CSMD1: variants seen among roughly 807,000 people sequenced by gnomAD.
CSMD1 encodes CUB and sushi domain-containing protein 1.
A neutral mutation model predicts 417.5 loss-of-function variants in CSMD1; 213 were observed. The ratio of observed to expected loss-of-function variants is 0.51; its 90% confidence interval spans 0.46 to 0.57. CSMD1 has a LOEUF of 0.57. Ranked by LOEUF, CSMD1 falls within the 20% of genes least tolerant of loss-of-function variation. The pLI is 0.00. For missense variants in CSMD1, 6,923 were observed against 4,529.7 expected (o/e 1.53, Z -15.17); for synonymous variants, 2,862 against 1,736.8 (o/e 1.65, Z -16.11).
At chr8:4,269,487 T>G (rs1211577847) in intron 3 of CSMD1, among the ~76,000 whole-genome samples, 5 of 152,212 alleles carry the variant, frequency 3.3e-5, no homozygotes, top group Non-Finnish European at 7.3e-5. Flanking sequence ...TTCTTTGACT[T>G]TTTTGAATAT....
intron 13 of CSMD1, among the ~76,000 whole-genome samples, chr8:3,408,478 T>G (rs1423429718): frequency 6.6e-6 from 1 of 151,166 alleles, no homozygotes; most frequent in Non-Finnish European, 1.5e-5. Context: ...TCAAAAATGA[T>G]CCTTTCCAGT....
intron 1 of CSMD1, among the ~76,000 whole-genome samples, chr8:4,821,973 C>G (rs1457189): frequency 1.3e-5 from 2 of 151,948 alleles, no homozygotes; most frequent in African/African-American, 4.8e-5. Flanking sequence ...GAGAATACTA[C>G]GTAAAATAAA....
intron 2 of CSMD1, among the ~76,000 whole-genome samples, chr8:4,527,809 C>A (rs999112634): frequency 1.3e-5 from 2 of 152,148 alleles, no homozygotes; most frequent in African/African-American, 4.8e-5. Context: ...AAGTCTAATG[C>A]AGAAGTTAGA....
chr8:3,162,665 G>A (rs1235624695), intron 37 of CSMD1, among the ~76,000 whole-genome samples: 1 of 150,234 alleles, frequency 6.7e-6, no homozygotes, highest in Non-Finnish European at 1.5e-5. Flanking sequence ...AGCATACTTA[G>A]CAGTCTTTAT....
chr8:3,642,336 G>C (rs952821293), intron 7 of CSMD1, among the ~76,000 whole-genome samples: 4 of 152,108 alleles, frequency 2.6e-5, no homozygotes, highest in Admixed American at 6.5e-5. Flanking sequence ...TCCCACCTTG[G>C]TGCTGTGGGG....
chr8:4,030,448 A>G (rs1648135712), intron 4 of CSMD1, among the ~76,000 whole-genome samples: 1 of 152,198 alleles, frequency 6.6e-6, no homozygotes, highest in South Asian at 2.1e-4. Context: ...ACATCCTCTG[A>G]TGACACAGCC....
chr8:4,759,651 G>C (rs999268738), intron 1 of CSMD1, among the ~76,000 whole-genome samples: 2 of 152,126 alleles, frequency 1.3e-5, no homozygotes, highest in Non-Finnish European at 2.9e-5. Flanking sequence ...ACTTATAAGT[G>C]AGAATATGTG....
chr8:3,189,903 A>T lies in CSMD1; in HGVS notation c.5398+9T>A. On this transcript the variant is annotated intron_variant, in intron 34 of 69. Transcript: ENST00000635120. ...TTCTGGCGGGCAGCCGCTTAGGGACACTGCTCACCCACACAGCTGGGGATC... is the reference window on the plus strand; with the variant it reads ...TTCTGGCGGGCAGCCGCTTAGGGACTCTGCTCACCCACACAGCTGGGGATC... The T allele has an allele frequency of 6.4e-7, 1 of 1,566,228 alleles. No individual in the cohort carries two copies. Among genetic ancestry groups the T allele is most frequent in the South Asian group, 1.2e-5 (1 of 85,068 alleles).
chr8:3,307,299 G>A (rs895626377), intron 25 of CSMD1, among the ~76,000 whole-genome samples: 1 of 151,458 alleles, frequency 6.6e-6, no homozygotes, highest in African/African-American at 2.4e-5. Context: ...AGGGGCTCCT[G>A]CTTTCCCAAC....
intron 3 of CSMD1, among the ~76,000 whole-genome samples, chr8:4,142,777 C>T (rs1331065205): frequency 6.6e-6 from 1 of 151,042 alleles, no homozygotes; most frequent in Non-Finnish European, 1.5e-5. Flanking sequence ...TAGTGCAAAA[C>T]AGGCTTCAAC....
intron 8 of CSMD1, among the ~76,000 whole-genome samples, chr8:3,604,183 A>G (rs942292478): frequency 1.3e-5 from 2 of 152,204 alleles, no homozygotes; most frequent in African/African-American, 2.4e-5. Flanking sequence ...TTGTGGGCAG[A>G]TAGAAAATAT....
intron 3 of CSMD1, among the ~76,000 whole-genome samples, chr8:4,085,426 A>G (rs1247509257): frequency 6.6e-6 from 1 of 152,216 alleles, no homozygotes; most frequent in African/African-American, 2.4e-5. Context: ...GGTGATTTTG[A>G]TTATTTAGAA....
chr8:4,982,567 G>A (rs368780049), intron 1 of CSMD1, among the ~76,000 whole-genome samples: 2 of 152,190 alleles, frequency 1.3e-5, no homozygotes, highest in Middle Eastern at 3.4e-3. Flanking sequence ...CTTTAACTTA[G>A]GTACTTCTTT....
chr8:4,422,543 G>A (rs887267616), intron 2 of CSMD1, among the ~76,000 whole-genome samples: 9 of 152,088 alleles, frequency 5.9e-5, no homozygotes, highest in African/African-American at 2.2e-4. Context: ...CAGGAAGGAT[G>A]CTGTCTACAA....
intron 1 of CSMD1, among the ~76,000 whole-genome samples, chr8:4,907,774 C>A (rs1805398661): frequency 6.6e-6 from 1 of 151,532 alleles, no homozygotes; most frequent in Non-Finnish European, 1.5e-5. Context: ...CTTTGTTTCC[C>A]AGGCTGCTCC....
At chr8:3,374,062 C>G (rs745854080) in intron 18 of CSMD1, among the ~76,000 whole-genome samples, 12 of 151,310 alleles carry the variant, frequency 7.9e-5, no homozygotes, top group Non-Finnish European at 1.5e-4. Flanking sequence ...AAGCAATTCT[C>G]CTCCCTCAGC....
At chr8:4,462,386 G>C (rs965304624) in intron 2 of CSMD1, among the ~76,000 whole-genome samples, 1 of 152,018 alleles carries the variant, frequency 6.6e-6, no homozygotes, top group Non-Finnish European at 1.5e-5. Context: ...ACATGAATCA[G>C]AAGACTTAAT....
chr8:4,004,822 G>A (rs1046303967), intron 4 of CSMD1, among the ~76,000 whole-genome samples: 1 of 152,102 alleles, frequency 6.6e-6, no homozygotes, highest in Non-Finnish European at 1.5e-5. Context: ...TTGGCTCACT[G>A]TAAGCTCCGC....
At chr8:3,906,691 T>A (rs779123461) in intron 5 of CSMD1, among the ~76,000 whole-genome samples, 1 of 152,110 alleles carries the variant, frequency 6.6e-6, no homozygotes, top group Non-Finnish European at 1.5e-5. Context: ...CTATGTTTTA[T>A]GTAAAAAAAT....
Sources: gnomAD v4.1 joint callset for allele counts (sites outside exome capture counted in the v4.1 genomes callset) on GRCh38, gnomAD v4.1.1 for gene constraint, MANE v1.5 for transcripts, NCBI Gene and HGNC (gene_info 2026-07-23, HGNC 2026-07-21) for gene names.